Variants in C1QTNF12 observed in about 807,000 individuals in gnomAD.
C1QTNF12 encodes adipolin.
C1QTNF12 carries 39 observed loss-of-function variants against 34.3 expected under a neutral mutation model. That is an observed-to-expected ratio of 1.14 (90% confidence interval 0.88 to 1.49). The LOEUF is 1.49. Among genes scored for constraint, C1QTNF12 ranks in the 40% most tolerant of loss-of-function variants. The pLI is 0.00. For missense variants in C1QTNF12, 497 were observed against 424.7 expected (o/e 1.17, Z -1.50); for synonymous variants, 220 against 196.9 (o/e 1.12, Z -0.98).
rs1033149372 is a variant in C1QTNF12 at position 1,246,339 on chromosome 1, A to T, written c.177+175T>A. Reference sequence around the variant, plus strand: ...GCTGCAGAGGAGGAGAGGGCTTCCCAGAGGCCGGCCTGGCTGGGCTGCAGC... The same window carrying T: ...GCTGCAGAGGAGGAGAGGGCTTCCCTGAGGCCGGCCTGGCTGGGCTGCAGC... On this transcript the variant is annotated intron_variant, in intron 1 of 7. Transcript: ENST00000330388. The surrounding 1 kb of genome is among the most constrained non-coding windows in gnomAD (Gnocchi z 4.5). Among the ~76,000 whole-genome samples, 2 of 152,118 alleles carry T rather than the reference A, an allele frequency of 1.3e-5. No individual in the cohort carries two copies. The highest frequency in any genetic ancestry group is 6.5e-5 in the Admixed American group (1 of 15,302).
chr1:1,243,835 G>A, intron 4 of C1QTNF12, 119 bp downstream of exon 4: 1 of 1,279,720 alleles, frequency 7.8e-7, no homozygotes, highest in Non-Finnish European at 1.1e-6. Context: ...CGCCCTCCGA[G>A]CCCCGCCCCC....
chr1:1,243,859 C>CCCCCA, intron 4 of C1QTNF12, 95 bp downstream of exon 4: 3 of 1,444,358 alleles, frequency 2.1e-6, no homozygotes, highest in African/African-American at 1.4e-5. Flanking sequence ...CCCCAACCCA[C>CCCCCA]ATGCTGCCCC....
upstream of C1QTNF12, chr1:1,246,788 C>G (rs1372146498): frequency 6.5e-6 from 6 of 925,312 alleles, 1 homozygote; most frequent in Non-Finnish European, 8.3e-6. The surrounding 1 kb of genome is among the most constrained non-coding windows in gnomAD (Gnocchi z 4.5). Context: ...GGGCGAGGCC[C>G]AGGGGCGCGC....
chr1:1,244,424 TC>T lies in C1QTNF12; in HGVS notation c.250del (p.Asp84ThrfsTer4). ...TCCGCACCGCTTCCTTAAGGCGCCG[TC>T]GTCCGGCCGCCGGACAAAGTTCAGC... ...TWLNFVRRPD[D>X]GALRKRCGSR... is the part of the protein sequence containing the mutation. On this transcript the variant is annotated frameshift_variant, in exon 2 of 8. Transcript: ENST00000330388. LOFTEE classifies it high-confidence loss of function. 6.2e-7 allele frequency: 1 copy of T among 1,611,836 alleles called. No homozygotes were observed.
Position 1,245,373 on chromosome 1 carries a change from T to C in C1QTNF12, c.178-876A>G, listed in dbSNP as rs368986662. On this transcript the variant is annotated intron_variant, in intron 1 of 7. Transcript: ENST00000330388. Reference sequence around the variant, plus strand: ...AGGGACCCGGCGCCCTGGAGGGGCCTGTACCTCAGCCTATCTGGGGGCTGA... The same window carrying C: ...AGGGACCCGGCGCCCTGGAGGGGCCCGTACCTCAGCCTATCTGGGGGCTGA... Among the ~76,000 whole-genome samples the C allele has an allele frequency of 4.2e-5, 6 of 142,272 alleles. No homozygotes were observed. The South Asian group carries it at 7.2e-4, about 17-fold the overall frequency. 93.3% of individuals were successfully genotyped at this position (142,272 alleles called of 152,430 possible). A position where few individuals can be genotyped will look rare whatever the true frequency, so the allele number is the denominator to read the frequency against.
chr1:1,243,952 A>C lies in C1QTNF12; in HGVS notation c.531+2T>G. ...CCGCTCTAAGCTCCCGGCTCCACTC[A>C]CAGCCTGGAAACCATGCAGCTCCAC... On this transcript the variant is annotated splice_donor_variant, in intron 4 of 7. Transcript: ENST00000330388. LOFTEE classifies it high-confidence loss of function. 6.2e-7 allele frequency: 1 copy of C among 1,607,230 alleles called. No individual in the cohort carries two copies. Among genetic ancestry groups the C allele is most frequent in the Non-Finnish European group, 8.5e-7 (1 of 1,177,674 alleles).
In C1QTNF12 at chr1:1,242,629, A is replaced by G. The variant is rs1237605433; in HGVS notation, c.828T>C (p.Ser276=). The change falls in exon 8 of 8, where the codon TCT becomes TCC. Residue 276 remains serine (S), a synonymous_variant. Transcript: ENST00000330388. ...LLQLQAGQYA[S]VFVDNGSGAV... ...CCCCGGAGCCATTGTCCACAAACAC[A>G]GAAGCGTACTGTCCAGCCTGTAAGA... 1.9e-6 allele frequency: 3 copies of G among 1,594,876 alleles called. No individual in the cohort carries two copies. The highest frequency in any genetic ancestry group is 2.6e-6 in the Non-Finnish European group (3 of 1,171,242).
intron 3 of C1QTNF12, 26 bp downstream of exon 3, chr1:1,244,165 T>C (rs112569405): frequency 6.4e-7 from 1 of 1,564,474 alleles, no homozygotes; most frequent in African/African-American, 1.4e-5. Flanking sequence ...GCACGTCTGG[T>C]CTCTGGGCAG....
In C1QTNF12 at chr1:1,242,929, C is replaced by A; in HGVS notation, c.732-16G>T. ...CTCCAGGCACCTGAACACAGCCCCA[C>A]AGGGCAAGAGGGAGGCGTTGCAGGT... On this transcript the variant is annotated splice_polypyrimidine_tract_variant and intron_variant, in intron 6 of 7. Coordinates refer to ENST00000330388, the MANE Select transcript of C1QTNF12 (RefSeq NM_001014980.3). 6.2e-7 allele frequency: 1 copy of A among 1,611,104 alleles called. No homozygotes were observed. Among genetic ancestry groups the A allele is most frequent in the South Asian group, 1.1e-5 (1 of 90,830 alleles).
chr1:1,244,371 C>CG lies in C1QTNF12; in HGVS notation c.294+9dup. ...GGCTCAGACCCTGCAGCAGCCCGGGCGGGGCTCACCGGCTTCTTGTCCCTG... is the reference window on the plus strand; with the variant it reads ...GGCTCAGACCCTGCAGCAGCCCGGGCGGGGGCTCACCGGCTTCTTGTCCCTG... On this transcript the variant is annotated intron_variant, in intron 2 of 7. Coordinates refer to ENST00000330388, the MANE Select transcript of C1QTNF12 (RefSeq NM_001014980.3). 1 of 1,609,808 alleles carries CG rather than the reference C, an allele frequency of 6.2e-7. No individual in the cohort carries two copies.
chr1:1,243,828 C>T (rs1436116984), intron 4 of C1QTNF12, 126 bp downstream of exon 4: 2 of 1,289,840 alleles, frequency 1.6e-6, no homozygotes, highest in Non-Finnish European at 2.1e-6. Flanking sequence ...AGCCCCTCGC[C>T]CTCCGAGCCC....
Position 1,243,525 on chromosome 1 carries a change from C to G in C1QTNF12, c.559G>C (p.Gly187Arg). The change falls in exon 5 of 8, where the codon GGC (glycine) becomes CGC (arginine). Residue 187 changes from glycine (G) to arginine (R), a missense_variant. Coordinates refer to ENST00000330388, the MANE Select transcript of C1QTNF12 (RefSeq NM_001014980.3). ...CCCGAGGCCAGGCTCAGACCGGAGC[C>G]TCGCAGGAAGGCACCTTGGGCAGCA... Reference protein sequence around the residue: ...APAAQGAFLRGSGLSLASGRF... With the variant: ...APAAQGAFLRRSGLSLASGRF... 1 of 1,554,492 alleles carries G rather than the reference C, an allele frequency of 6.4e-7. No individual in the cohort carries two copies. The highest frequency in any genetic ancestry group is 1.2e-5 in the South Asian group (1 of 84,538).
At chr1:1,245,304 G>A (rs1229532355) in intron 1 of C1QTNF12, among the ~76,000 whole-genome samples, 2 of 59,512 alleles carry the variant, frequency 3.4e-5, no homozygotes, top group Admixed American at 2.0e-4. Context: ...TCAGGCATCC[G>A]CTATCCGCTT....
rs1638886091 is a variant in C1QTNF12 at position 1,246,135 on chromosome 1, G to A, written c.177+379C>T. On this transcript the variant is annotated intron_variant, in intron 1 of 7. Transcript: ENST00000330388. This position sits in a 1 kb window ranked among gnomAD's most constrained non-coding sequence, Gnocchi z 4.5. The stretch of plus-strand genomic sequence containing the variant: ...GCGCTGGACTCCCAAGGGGTCTGGT[G>A]AACCATCCAGCAAGCAGCCGGAACC... Among the ~76,000 whole-genome samples the A allele has an allele frequency of 6.6e-6, 1 of 152,210 alleles. No homozygotes were observed. Among genetic ancestry groups the A allele is most frequent in the Non-Finnish European group, 1.5e-5 (1 of 68,016 alleles).
Position 1,244,263 on chromosome 1 carries a change from C to A in C1QTNF12, c.307G>T (p.Gly103Cys). 1 of 1,594,060 alleles carries A rather than the reference C, an allele frequency of 6.3e-7. No homozygotes were observed. Among genetic ancestry groups the A allele is most frequent in the Non-Finnish European group, 8.6e-7 (1 of 1,169,328 alleles). ...SRDKKPRDLF[G>C]PPGPPGAEVT... ...TCTGCACCTGGAGGTCCTGGGGGAC[C>A]GAAGAGATCCCGCTGGGGGGAGAGA... Residue 103 changes from glycine (G) to cysteine (C), a missense_variant, in exon 3 of 8, where the codon GGT (glycine) becomes TGT (cysteine). By Grantham distance (159) the Gly-to-Cys change is radical. Transcript: ENST00000330388.
In C1QTNF12 at chr1:1,243,109, G is replaced by T. The variant is rs747718076; in HGVS notation, c.684C>A (p.Asp228Glu). ...CAATACAGATGAGAACACACACCACGTCCCGGGCCCGCAGCCGGGCCTTGC... is the reference window on the plus strand; with the variant it reads ...CAATACAGATGAGAACACACACCACTTCCCGGGCCCGCAGCCGGGCCTTGC... ...LQGKARLRAR[D>E]VVCVLICIES... The change falls in exon 6 of 8, where the codon GAC becomes GAA. Residue 228 changes from aspartate to glutamate, a missense_variant. Asp to Glu is a conservative substitution (Grantham distance 45). Coordinates refer to ENST00000330388, the MANE Select transcript of C1QTNF12 (RefSeq NM_001014980.3). 1.9e-6 allele frequency: 3 copies of T among 1,589,008 alleles called. No individual in the cohort carries two copies. The highest frequency in any genetic ancestry group is 2.3e-5 in the South Asian group (2 of 87,654).
chr1:1,244,046 G>A lies in C1QTNF12; in HGVS notation c.439C>T (p.Leu147=). ...LDPLLPQGAG[L]RLVGEAFHCR... The stretch of plus-strand genomic sequence containing the variant: ...TGAAAGGCCTCGCCCACCAGCCGCA[G>A]GCCCGCCCCCTGGGGCAGCAGCGGG... The change falls in exon 4 of 8, where the codon CTG becomes TTG. Residue 147 remains leucine, a synonymous_variant. Coordinates refer to ENST00000330388, the MANE Select transcript of C1QTNF12 (RefSeq NM_001014980.3). 6.3e-7 allele frequency: 1 copy of A among 1,598,970 alleles called. No individual in the cohort carries two copies. The highest frequency in any genetic ancestry group is 1.1e-5 in the South Asian group (1 of 89,484).
In C1QTNF12 at chr1:1,244,036, A is replaced by T. The variant is rs763221717; in HGVS notation, c.449T>A (p.Val150Glu). ...LLPQGAGLRLVGEAFHCRLQG... is the reference protein window; with the variant it reads ...LLPQGAGLRLEGEAFHCRLQG... ...CAGCCGGCAGTGAAAGGCCTCGCCC[A>T]CCAGCCGCAGGCCCGCCCCCTGGGG... The change falls in exon 4 of 8, where the codon GTG (valine) becomes GAG (glutamate). Residue 150 changes from valine to glutamate, a missense_variant. Val to Glu is a moderately radical substitution (Grantham distance 121, BLOSUM62 -2). Transcript: ENST00000330388. 1.3e-6 allele frequency: 2 copies of T among 1,579,238 alleles called. No individual in the cohort carries two copies. Among genetic ancestry groups the T allele is most frequent in the Non-Finnish European group, 1.7e-6 (2 of 1,166,644 alleles).
At position 1,243,434 on chromosome 1, in the gene C1QTNF12, T is replaced by C; in HGVS notation, c.640+10A>G. ...CGTCACAGCACACGGCACTGCCCCA[T>C]CCGGCTCACCCACGTGCAGACTGGC... On this transcript the variant is annotated intron_variant, in intron 5 of 7. Coordinates refer to ENST00000330388, the MANE Select transcript of C1QTNF12 (RefSeq NM_001014980.3). 1 of 1,549,842 alleles carries C rather than the reference T, an allele frequency of 6.5e-7. No homozygotes were observed. The highest frequency in any genetic ancestry group is 8.7e-7 in the Non-Finnish European group (1 of 1,146,194).
Sources: gnomAD v4.1 joint callset for allele counts (sites outside exome capture counted in the v4.1 genomes callset) on GRCh38, gnomAD v4.1.1 for gene constraint, Gnocchi (gnomAD v3.1) non-coding constraint, MANE v1.5 for transcripts, NCBI Gene and HGNC (gene_info 2026-07-23, HGNC 2026-07-21) for gene names.